NAV3: variants seen among roughly 807,000 people sequenced by gnomAD.
NAV3 encodes the protein neuron navigator 3.
NAV3 carries 87 observed loss-of-function variants against 244.7 expected under a neutral mutation model. The observed-to-expected ratio is 0.36, with a 90% CI of 0.30 to 0.42. The LOEUF (loss-of-function observed/expected upper bound fraction) is 0.42. NAV3 is among the 20% of genes least tolerant of loss of function. The probability of loss-of-function intolerance (pLI) is 1.00; values close to 1 mark genes in which losing one functional copy is unlikely to be tolerated. For missense variants in NAV3, 2,663 were observed against 2,893.3 expected, an observed-to-expected ratio of 0.92 and a Z score of 1.83; for synonymous variants, 1,126 against 1,042.2, an observed-to-expected ratio of 1.08 and a Z score of -1.55.
At chr12:77,627,496 T>C (rs1871689076) in intron 2 of NAV3, among the ~76,000 whole-genome samples, 1 of 151,902 alleles carries the variant, frequency 6.6e-6, no homozygotes. Context: ...CCCTAACAAG[T>C]TGGAAAAAGA....
chr12:77,637,744 T>C (rs1305486711), intron 2 of NAV3, among the ~76,000 whole-genome samples: 1 of 152,204 alleles, frequency 6.6e-6, no homozygotes. Flanking sequence ...ATGCCTAATT[T>C]AATAGTTCAG....
chr12:77,771,166 C>T (rs1288102262), intron 2 of NAV3, among the ~76,000 whole-genome samples: 4 of 152,178 alleles, frequency 2.6e-5, no homozygotes, highest in African/African-American at 9.7e-5. Flanking sequence ...TGAAAAAATG[C>T]TCATCATCAC....
chr12:77,596,670 A>G (rs976353957), intron 2 of NAV3, among the ~76,000 whole-genome samples: 42 of 152,184 alleles, frequency 2.8e-4, no homozygotes, highest in Non-Finnish European at 2.1e-4. Flanking sequence ...AAGAGAGAAA[A>G]ACATTTTAAT....
intron 2 of NAV3, among the ~76,000 whole-genome samples, chr12:77,673,000 A>G (rs1874054601): frequency 6.6e-6 from 1 of 152,090 alleles, no homozygotes; most frequent in Non-Finnish European, 1.5e-5. Context: ...TTTTCGTGAT[A>G]TGTATTTGTA....
chr12:77,866,223 A>G (rs879519598), intron 1 of NAV3, among the ~76,000 whole-genome samples: 1 of 152,226 alleles, frequency 6.6e-6, no homozygotes, highest in Non-Finnish European at 1.5e-5. Flanking sequence ...TGGTAGAGGA[A>G]TTGAGTGGGT....
chr12:78,123,832 G>C (rs1955788517), intron 16 of NAV3, among the ~76,000 whole-genome samples: 1 of 152,030 alleles, frequency 6.6e-6, no homozygotes, highest in Non-Finnish European at 1.5e-5. Context: ...GACCAGTAAG[G>C]GTTCATTTTT....
intron 9 of NAV3, among the ~76,000 whole-genome samples, chr12:78,040,171 G>T (rs1266914607): frequency 6.6e-6 from 1 of 152,064 alleles, no homozygotes; most frequent in Non-Finnish European, 1.5e-5. Context: ...AGTACATTTA[G>T]TTTTATCTTG....
At chr12:77,655,361 G>A (rs1873044039) in intron 2 of NAV3, among the ~76,000 whole-genome samples, 1 of 152,106 alleles carries the variant, frequency 6.6e-6, no homozygotes, top group South Asian at 2.1e-4. Flanking sequence ...TATCAGTGAT[G>A]GAAGATGAAA....
chr12:77,835,872 G>A (rs573732631), intron 1 of NAV3, among the ~76,000 whole-genome samples: 1 of 152,238 alleles, frequency 6.6e-6, no homozygotes, highest in South Asian at 2.1e-4. Flanking sequence ...GCTCCATCTA[G>A]CTGCTACATC....
chr12:77,739,744 C>T (rs1027166616), intron 2 of NAV3, among the ~76,000 whole-genome samples: 9 of 152,076 alleles, frequency 5.9e-5, no homozygotes, highest in Admixed American at 3.9e-4. Flanking sequence ...AACTATTCTA[C>T]TCAACTCTTC....
chr12:77,944,868 A>G (rs953872337), intron 3 of NAV3, among the ~76,000 whole-genome samples: 7 of 152,182 alleles, frequency 4.6e-5, no homozygotes, highest in African/African-American at 1.7e-4. Context: ...AAGCTCTAAT[A>G]CGTGGACTAC....
chr12:78,196,096 T>G (rs1959171114), intron 34 of NAV3, among the ~76,000 whole-genome samples: 1 of 152,048 alleles, frequency 6.6e-6, no homozygotes, highest in African/African-American at 2.4e-5. Flanking sequence ...GTAGCTAAAT[T>G]AGTGACATAA....
At chr12:77,621,549 C>T (rs565985493) in intron 2 of NAV3, among the ~76,000 whole-genome samples, 18 of 143,244 alleles carry the variant, frequency 1.3e-4, no homozygotes, top group African/African-American at 3.4e-4. Context: ...GGTGTGATCT[C>T]GGCACACTGC....
At chr12:77,857,158 C>T (rs1376879510) in intron 1 of NAV3, among the ~76,000 whole-genome samples, 1 of 151,880 alleles carries the variant, frequency 6.6e-6, no homozygotes, top group Non-Finnish European at 1.5e-5. Context: ...AAATTCTAGC[C>T]CTCTCTTTTA....
intron 17 of NAV3, among the ~76,000 whole-genome samples, chr12:78,127,607 A>G (rs1327507400): frequency 6.6e-6 from 1 of 152,194 alleles, no homozygotes; most frequent in Non-Finnish European, 1.5e-5. Context: ...TTTGCCTATT[A>G]GAGTCATATG....
intron 2 of NAV3, among the ~76,000 whole-genome samples, chr12:77,608,030 T>A (rs1445893246): frequency 6.6e-6 from 1 of 152,086 alleles, no homozygotes; most frequent in Non-Finnish European, 1.5e-5. Flanking sequence ...ACTTAAATAT[T>A]GACAAGCAAA....
intron 2 of NAV3, among the ~76,000 whole-genome samples, chr12:77,787,092 A>G (rs1184679717): frequency 2.6e-5 from 4 of 152,204 alleles, no homozygotes; most frequent in Admixed American, 2.6e-4. Flanking sequence ...GCTGGGAAGA[A>G]GCAGAGAAGT....
chr12:77,903,021 A>G (rs549787020), intron 1 of NAV3, among the ~76,000 whole-genome samples: 1 of 152,346 alleles, frequency 6.6e-6, no homozygotes, highest in African/African-American at 2.4e-5. Flanking sequence ...AGCACATTCC[A>G]TGCTCATGGG....
rs756805711 is a variant in NAV3 at position 77,645,536 on chromosome 12, T to TAAAAAAAAAAAAAAAA, written c.72+73279_72+73294dup. On this transcript the variant is annotated intron_variant, in intron 2 of 8. Coordinates refer to the NAV3 transcript ENST00000550042. ...GAATTCATGGAGAGCTCTCTCTCTC[T>TAAAAAAAAAAAAAAAA]AAAAAAAAAAAAAAAAAAAAAAAAC... Among the ~76,000 whole-genome samples, 32 of 63,004 alleles carry TAAAAAAAAAAAAAAAA rather than the reference T, an allele frequency of 5.1e-4. 3 individuals are homozygous for TAAAAAAAAAAAAAAAA. The highest frequency in any genetic ancestry group is 2.3e-3 in the African/African-American group (32 of 13,762). 41.3% of individuals were successfully genotyped at this position (63,004 alleles called of 152,430 possible). A position where few individuals can be genotyped will look rare whatever the true frequency, so the allele number is the denominator to read the frequency against.
Sources: allele counts gnomAD v4.1 joint callset (sites outside exome capture counted in the v4.1 genomes callset), GRCh38; gene constraint gnomAD v4.1.1; transcripts MANE v1.5; gene names NCBI Gene and HGNC (gene_info 2026-07-23, HGNC 2026-07-21).